Variants in PAK1 observed in about 807,000 individuals in gnomAD.
PAK1 encodes the protein p21 (RAC1) activated kinase 1.
PAK1 carries 29 observed loss-of-function variants against 67.4 expected under a neutral mutation model. That is an observed-to-expected ratio of 0.43 (90% CI 0.32 to 0.59). The LOEUF (loss-of-function observed/expected upper bound fraction) is 0.59. Among genes scored for constraint, PAK1 ranks in the 20% least tolerant of loss-of-function variants. PAK1 has a pLI of 0.07. For missense variants in PAK1, 337 were observed against 670.7 expected (o/e 0.50, Z 5.50); for synonymous variants, 223 against 237.4 (o/e 0.94, Z 0.56).
chr11:77,494,510 A>G, the PAK1 span, among the ~76,000 whole-genome samples: 1 of 151,988 alleles, frequency 6.6e-6, no homozygotes, highest in Admixed American at 6.6e-5. Context: ...CTACAGGTAC[A>G]TGCCACTGCA....
At chr11:77,410,694 A>G (rs1344032698) in intron 1 of PAK1, among the ~76,000 whole-genome samples, 3 of 151,460 alleles carry the variant, frequency 2.0e-5, no homozygotes, top group Non-Finnish European at 4.4e-5. Context: ...GAGAAAAGGT[A>G]GGCAGGGGGC....
chr11:77,445,392 A>G (rs891575266), intron 1 of PAK1, among the ~76,000 whole-genome samples: 2 of 152,204 alleles, frequency 1.3e-5, no homozygotes, highest in African/African-American at 4.8e-5. Context: ...CTAAACTACT[A>G]AAGTTTGTAC....
intron 1 of PAK1, among the ~76,000 whole-genome samples, chr11:77,459,610 C>G (rs79900962): frequency 2.6e-5 from 4 of 151,776 alleles, no homozygotes; most frequent in Non-Finnish European, 5.9e-5. Context: ...CAAATAAATA[C>G]AGAATCACAA....
intron 1 of PAK1, among the ~76,000 whole-genome samples, chr11:77,442,804 T>C (rs1444481809): frequency 2.0e-5 from 3 of 152,136 alleles, no homozygotes; most frequent in Admixed American, 6.5e-5. Flanking sequence ...GCCCCGATCA[T>C]GAAACCAAAA....
chr11:77,355,526 G>A, intron 7 of PAK1, 142 bp downstream of exon 7: 1 of 671,690 alleles, frequency 1.5e-6, no homozygotes, highest in South Asian at 1.8e-5. Context: ...GGAGGTTCAG[G>A]GGCAGGGTGA....
intron 1 of PAK1, among the ~76,000 whole-genome samples, chr11:77,428,756 T>C (rs1955695184): frequency 6.6e-6 from 1 of 151,446 alleles, no homozygotes; most frequent in Non-Finnish European, 1.5e-5. Flanking sequence ...TGGTGTGGAA[T>C]ATCATAGTCT....
chr11:77,516,231 C>T, the PAK1 span, among the ~76,000 whole-genome samples: 3 of 152,120 alleles, frequency 2.0e-5, no homozygotes, highest in African/African-American at 2.4e-5. Flanking sequence ...GTATGGTAGC[C>T]ATTATTATTG....
chr11:77,414,401 C>A (rs899740829), intron 1 of PAK1, among the ~76,000 whole-genome samples: 3 of 152,210 alleles, frequency 2.0e-5, no homozygotes, highest in African/African-American at 7.2e-5. Context: ...TGTAAATATA[C>A]TAGAGTCCCA....
intron 1 of PAK1, among the ~76,000 whole-genome samples, chr11:77,469,465 T>C (rs1187469565): frequency 6.6e-6 from 1 of 152,320 alleles, no homozygotes; most frequent in Non-Finnish European, 1.5e-5. Flanking sequence ...GATTCCTTTA[T>C]AGTCATTATT....
intron 1 of PAK1, among the ~76,000 whole-genome samples, chr11:77,414,615 T>C (rs1432931301): frequency 6.6e-6 from 1 of 152,204 alleles, no homozygotes; most frequent in East Asian, 1.9e-4. Flanking sequence ...GTTAACTGAC[T>C]GTAAAAGAGA....
chr11:77,506,834 G>C, the PAK1 span, among the ~76,000 whole-genome samples: 1 of 152,156 alleles, frequency 6.6e-6, no homozygotes, highest in Non-Finnish European at 1.5e-5. Flanking sequence ...AGATTGGGGG[G>C]TACATGGGAG....
At chr11:77,399,210 C>T (rs1462837279) in intron 1 of PAK1, among the ~76,000 whole-genome samples, 2 of 152,104 alleles carry the variant, frequency 1.3e-5, no homozygotes, top group Non-Finnish European at 2.9e-5. Context: ...AAAATATGAC[C>T]TGACCCTAGA....
chr11:77,409,001 A>T (rs1450897984), intron 1 of PAK1, among the ~76,000 whole-genome samples: 1 of 152,220 alleles, frequency 6.6e-6, no homozygotes, highest in African/African-American at 2.4e-5. Context: ...ACGATGGCTC[A>T]TGCCTGTAAT....
At chr11:77,335,508 T>C (rs1260025133) in intron 13 of PAK1, among the ~76,000 whole-genome samples, 1 of 152,214 alleles carries the variant, frequency 6.6e-6, no homozygotes, top group Non-Finnish European at 1.5e-5. Context: ...AATATTCAGT[T>C]CATCTTGTCA....
chr11:77,522,019 A>G, the PAK1 span, among the ~76,000 whole-genome samples: 6 of 152,226 alleles, frequency 3.9e-5, no homozygotes, highest in Admixed American at 6.5e-5. Flanking sequence ...TTCATTAAAA[A>G]CAAATTATGA....
chr11:77,468,235 C>T (rs1415723503), intron 1 of PAK1, among the ~76,000 whole-genome samples: 2 of 152,180 alleles, frequency 1.3e-5, no homozygotes, highest in Non-Finnish European at 2.9e-5. Context: ...ACTCTGACTC[C>T]AGGAACAAAA....
chr11:77,460,651 C>A (rs999619541), intron 1 of PAK1, among the ~76,000 whole-genome samples: 4 of 151,346 alleles, frequency 2.6e-5, no homozygotes, highest in Non-Finnish European at 4.4e-5. Flanking sequence ...TTTAAAGATG[C>A]CATAAAGCGA....
At chr11:77,423,652 C>T (rs769798945) in intron 1 of PAK1, among the ~76,000 whole-genome samples, 1 of 152,118 alleles carries the variant, frequency 6.6e-6, no homozygotes, top group Non-Finnish European at 1.5e-5. Flanking sequence ...TGTTAAGGGA[C>T]AACCATTATT....
chr11:77,351,340 G>A (rs990295108), intron 8 of PAK1, among the ~76,000 whole-genome samples: 2 of 150,706 alleles, frequency 1.3e-5, no homozygotes, highest in African/African-American at 4.9e-5. Context: ...AAGTTCTGGA[G>A]GTAAAAGGTC....
Sources: allele counts gnomAD v4.1 joint callset (sites outside exome capture counted in the v4.1 genomes callset), GRCh38; gene constraint gnomAD v4.1.1; transcripts MANE v1.5; gene names NCBI Gene and HGNC (gene_info 2026-07-23, HGNC 2026-07-21).